The following RALGAPA1 variants were observed in gnomAD, a reference collection of about 807,000 sequenced individuals.
RALGAPA1 encodes the protein Ral GTPase activating protein catalytic subunit alpha 1.
RALGAPA1 carries 52 observed loss-of-function variants against 269.6 expected under a neutral mutation model. The ratio of observed to expected loss-of-function variants is 0.19; its 90% CI spans 0.15 to 0.24. The LOEUF (loss-of-function observed/expected upper bound fraction) is 0.24. Ranked by LOEUF, RALGAPA1 falls within the 10% of genes least tolerant of loss-of-function variation. The pLI, the probability that RALGAPA1 is intolerant of heterozygous loss-of-function variation, is 1.00. For missense variants in RALGAPA1, 1,917 were observed against 3,013.9 expected, an observed-to-expected ratio of 0.64 and a Z score of 8.52; for synonymous variants, 817 against 1,008.3, an observed-to-expected ratio of 0.81 and a Z score of 3.60.
rs376776602 is a variant in RALGAPA1, at chr14:35,578,184, G to A, written c.7210-5466C>T. 6.6e-5 allele frequency among the ~76,000 whole-genome samples: 10 copies of A among 152,268 alleles called. No individual in the cohort carries two copies. The South Asian group carries it at 8.3e-4, about 13-fold the overall frequency. On this transcript the variant is annotated intron_variant, in intron 37 of 41. Coordinates refer to ENST00000680220, the MANE Select transcript of RALGAPA1 (RefSeq NM_001346249.2). ...CTTTGTGTACAGTGGAGGAGACAGA[G>A]TAAAATAACCATACAATAAATAAAT...
intron 17 of RALGAPA1, among the ~76,000 whole-genome samples, chr14:35,696,835 T>C (rs55885360): frequency 0.019 from 2,830 of 152,086 alleles, 90 homozygotes; most frequent in African/African-American, 0.064. Flanking sequence ...CTAATTCACA[T>C]GAGGGAGAGC....
chr14:35,675,131 T>C (rs995398301), intron 22 of RALGAPA1, among the ~76,000 whole-genome samples: 1 of 152,216 alleles, frequency 6.6e-6, no homozygotes, highest in Non-Finnish European at 1.5e-5. Context: ...AAGCCTTTTC[T>C]TTGTAGCTAC....
chr14:35,602,992 G>C (rs1470244124), intron 36 of RALGAPA1, among the ~76,000 whole-genome samples: 1 of 152,112 alleles, frequency 6.6e-6, no homozygotes, highest in Admixed American at 6.5e-5. Flanking sequence ...TTGTTGAAAA[G>C]ACTATTCTTT....
chr14:35,675,870 C>T (rs1239907346), intron 22 of RALGAPA1, among the ~76,000 whole-genome samples: 1 of 152,066 alleles, frequency 6.6e-6, no homozygotes, highest in Admixed American at 6.6e-5. Flanking sequence ...GAAAACATTC[C>T]AACATATTGA....
At chr14:35,761,775 T>C (rs1300890989) in intron 5 of RALGAPA1, among the ~76,000 whole-genome samples, 3 of 152,212 alleles carry the variant, frequency 2.0e-5, no homozygotes, top group African/African-American at 7.2e-5. Flanking sequence ...CTGATAGCTT[T>C]GTAAATTACC....
chr14:35,774,831 T>C (rs11844386), intron 3 of RALGAPA1, among the ~76,000 whole-genome samples, 175 bp downstream of exon 3: 3,901 of 152,302 alleles, frequency 0.026, 169 homozygotes, highest in African/African-American at 0.089. Flanking sequence ...TAATACATTG[T>C]ACCTCAAAAA....
At chr14:35,546,950 T>G (rs181438822) in intron 41 of RALGAPA1, among the ~76,000 whole-genome samples, 102 of 152,308 alleles carry the variant, frequency 6.7e-4, no homozygotes, top group Middle Eastern at 3.4e-3. Context: ...ATTTTTATTT[T>G]GTGTTGAACT....
intron 31 of RALGAPA1, among the ~76,000 whole-genome samples, chr14:35,636,887 A>G (rs1465533660): frequency 6.6e-6 from 1 of 152,186 alleles, no homozygotes; most frequent in Non-Finnish European, 1.5e-5. Flanking sequence ...CTCCCACTGC[A>G]GGTTTTCATG....
At chr14:35,585,431 A>G (rs1053872659) in intron 37 of RALGAPA1, among the ~76,000 whole-genome samples, 2 of 90,272 alleles carry the variant, frequency 2.2e-5, no homozygotes, top group Non-Finnish European at 4.4e-5. Context: ...AAATATTTTG[A>G]AACAAATGAA....
chr14:35,644,372 A>G (rs2062243401), intron 31 of RALGAPA1, among the ~76,000 whole-genome samples: 1 of 152,224 alleles, frequency 6.6e-6, no homozygotes, highest in South Asian at 2.1e-4. Context: ...GATGAACCAT[A>G]GACTAAAAAA....
chr14:35,542,253 G>A (rs1174390935), intron 41 of RALGAPA1: 2 of 315,274 alleles, frequency 6.3e-6, no homozygotes, highest in African/African-American at 4.5e-5. Flanking sequence ...CAGTTCCTCA[G>A]TACACTAGCC....
chr14:35,715,579 T>C (rs1466796884), intron 16 of RALGAPA1: 3 of 255,716 alleles, frequency 1.2e-5, no homozygotes, highest in Non-Finnish European at 1.8e-5. Flanking sequence ...CCATGTTTAC[T>C]GAATAATCTT....
At chr14:35,795,938 C>A (rs766397691) in intron 1 of RALGAPA1, among the ~76,000 whole-genome samples, 1 of 151,788 alleles carries the variant, frequency 6.6e-6, no homozygotes. Context: ...AGACCCTGCC[C>A]CCAAAAACAG....
chr14:35,724,962 C>A, intron 14 of RALGAPA1, 62 bp downstream of exon 14: 1 of 1,262,378 alleles, frequency 7.9e-7, no homozygotes, highest in South Asian at 2.4e-5. Flanking sequence ...AAACAAACAA[C>A]AAAACAAAAC....
intron 1 of RALGAPA1, among the ~76,000 whole-genome samples, chr14:35,801,265 A>G (rs1472748240): frequency 6.6e-6 from 1 of 151,008 alleles, no homozygotes; most frequent in Non-Finnish European, 1.5e-5. Context: ...ACACACACAC[A>G]CACACACACA....
chr14:35,702,743 A>ACATTT (rs1555409698), intron 16 of RALGAPA1, among the ~76,000 whole-genome samples: 1 of 141,790 alleles, frequency 7.1e-6, no homozygotes, highest in African/African-American at 2.6e-5. Context: ...ATATATATAC[A>ACATTT]TTTTTTTTTT....
intron 26 of RALGAPA1, among the ~76,000 whole-genome samples, chr14:35,665,404 TCAA>T (rs1257318550): frequency 6.6e-6 from 1 of 152,206 alleles, no homozygotes; most frequent in South Asian, 2.1e-4. Flanking sequence ...CCACCAAACA[TCAA>T]CATCTTCCTA....
At chr14:35,774,081 C>T (rs2141542099) in intron 3 of RALGAPA1, among the ~76,000 whole-genome samples, 1 of 152,032 alleles carries the variant, frequency 6.6e-6, no homozygotes, top group African/African-American at 2.4e-5. Context: ...CATGCCTTGG[C>T]TAACTTTTTT....
Position 35,638,689 on chromosome 14 carries a change from C to G in RALGAPA1, c.5677-3091G>C, listed in dbSNP as rs532292853. Among the ~76,000 whole-genome samples the G allele has an allele frequency of 5.3e-5, 8 of 152,206 alleles. No homozygotes were observed. In the East Asian group the frequency reaches 1.5e-3, roughly 29 times the overall value. ...CCTGTAATCCCAACACTCTGGGAGGCTGAGGTAAGCAGATCACCTGAGGTC... is the reference window on the plus strand; with the variant it reads ...CCTGTAATCCCAACACTCTGGGAGGGTGAGGTAAGCAGATCACCTGAGGTC... On this transcript the variant is annotated intron_variant, in intron 31 of 41. Transcript: ENST00000680220.
Sources: gnomAD v4.1 joint callset for allele counts (sites outside exome capture counted in the v4.1 genomes callset) on GRCh38, gnomAD v4.1.1 for gene constraint, MANE v1.5 for transcripts, NCBI Gene and HGNC (gene_info 2026-07-23, HGNC 2026-07-21) for gene names.